DGKB: variants seen among roughly 807,000 people sequenced by gnomAD.
DGKB encodes the protein 90 kDa diacylglycerol kinase.
Under a neutral mutation model 114.3 loss-of-function variants are expected in DGKB, and 67 were observed. That is an observed-to-expected ratio of 0.59 (90% CI 0.48 to 0.72). The LOEUF (loss-of-function observed/expected upper bound fraction) is 0.72, where lower values mean the gene tolerates loss of function less well. DGKB is among the 30% of genes least tolerant of loss of function. The pLI is 0.00. For synonymous variants in DGKB, 398 were observed against 323.1 expected (o/e 1.23, Z -2.49); for missense variants, 907 against 975.2 (o/e 0.93, Z 0.93).
chr7:14,846,758 A>G (rs1848674073), intron 1 of DGKB, among the ~76,000 whole-genome samples: 1 of 152,200 alleles, frequency 6.6e-6, no homozygotes, highest in African/African-American at 2.4e-5. Context: ...AGCAGGAAAT[A>G]ACTACGTTGG....
At chr7:14,280,956 C>A (rs996281785) in intron 23 of DGKB, among the ~76,000 whole-genome samples, 1 of 151,098 alleles carries the variant, frequency 6.6e-6, no homozygotes, top group Non-Finnish European at 1.5e-5. Flanking sequence ...CATCAACTAA[C>A]GAGCAAAATC....
chr7:14,927,569 C>T (rs1157413987), intron 1 of DGKB, among the ~76,000 whole-genome samples: 1 of 151,798 alleles, frequency 6.6e-6, no homozygotes, highest in Admixed American at 6.6e-5. Flanking sequence ...CAGTATTAAA[C>T]ACAGAAGTCA....
intron 2 of DGKB, among the ~76,000 whole-genome samples, chr7:14,768,190 T>C (rs1836758921): frequency 6.6e-6 from 1 of 151,988 alleles, no homozygotes; most frequent in Non-Finnish European, 1.5e-5. Context: ...CTCAGGAATG[T>C]GTCATATTTA....
chr7:14,713,967 A>C (rs76231540), intron 6 of DGKB, among the ~76,000 whole-genome samples: 3,501 of 151,898 alleles, frequency 0.023, 60 homozygotes, highest in Non-Finnish European at 0.033. Flanking sequence ...CAATATCTTA[A>C]ATAGTTGATG....
chr7:14,799,925 C>CT (rs531530188), intron 2 of DGKB, among the ~76,000 whole-genome samples: 2,201 of 146,658 alleles, frequency 0.015, 44 homozygotes, highest in African/African-American at 0.048. Context: ...CTTTTCTTTT[C>CT]TTTTTTTTTT....
At chr7:14,251,063 T>C (rs963474878) in intron 23 of DGKB, among the ~76,000 whole-genome samples, 3 of 152,194 alleles carry the variant, frequency 2.0e-5, no homozygotes, top group African/African-American at 7.2e-5. Context: ...TATAGCTGGA[T>C]ACTGTATTTT....
At chr7:14,338,784 C>A in intron 22 of DGKB, 74 bp from the exon 23 acceptor site, 1 of 1,021,968 alleles carries the variant, frequency 9.8e-7, no homozygotes, top group South Asian at 2.7e-5. Flanking sequence ...TTTTCATTTC[C>A]TCATCTTTTA....
intron 1 of DGKB, among the ~76,000 whole-genome samples, chr7:14,864,101 CAA>C (rs34612317): frequency 0.17 from 16,072 of 96,354 alleles, 1,570 homozygotes; most frequent in East Asian, 0.38. Flanking sequence ...AACTCTGTTT[CAA>C]AAAAAAAAAA....
At chr7:14,561,685 C>T (rs538039803) in intron 20 of DGKB, among the ~76,000 whole-genome samples, 10 of 152,184 alleles carry the variant, frequency 6.6e-5, no homozygotes, top group African/African-American at 2.4e-4. Context: ...TTGCCCCTGC[C>T]CTAGAGATCT....
At chr7:14,315,521 CA>C (rs1806304069) in intron 23 of DGKB, among the ~76,000 whole-genome samples, 1 of 151,508 alleles carries the variant, frequency 6.6e-6, no homozygotes, top group South Asian at 2.1e-4. Context: ...CAACAAAGAT[CA>C]AAAGACACAA....
intron 14 of DGKB, among the ~76,000 whole-genome samples, chr7:14,628,411 C>T (rs1244433490): frequency 1.3e-5 from 2 of 151,770 alleles, no homozygotes; most frequent in African/African-American, 4.8e-5. Flanking sequence ...TATTTTTACA[C>T]TCAGATTTCT....
chr7:14,630,829 A>G (rs1809539243), intron 13 of DGKB, among the ~76,000 whole-genome samples: 1 of 151,974 alleles, frequency 6.6e-6, no homozygotes, highest in South Asian at 2.1e-4. Context: ...GGTTAAATAC[A>G]TTGACATTAG....
intron 5 of DGKB, among the ~76,000 whole-genome samples, chr7:14,720,207 A>C (rs1213947502): frequency 6.6e-6 from 1 of 152,128 alleles, no homozygotes; most frequent in African/African-American, 2.4e-5. Flanking sequence ...AATTTTTCTC[A>C]AACACCATCT....
chr7:14,966,569 G>A lies in DGKB; in HGVS notation c.-188+8127C>T, dbSNP rs141405678. 4.6e-3 allele frequency among the ~76,000 whole-genome samples: 696 copies of A among 152,126 alleles called. 5 individuals are homozygous for A. The highest frequency in any genetic ancestry group is 0.016 in the African/African-American group (674 of 41,496). On this transcript the variant is annotated intron_variant, in intron 1 of 4. Coordinates refer to the DGKB transcript ENST00000437998. ...TCCTCCCATTTTAGCGTCCTAACGT[G>A]CTGAGATTACAGGCTTGAGCCACCA...
intron 1 of DGKB, among the ~76,000 whole-genome samples, chr7:14,853,193 A>C (rs1849637289): frequency 6.6e-6 from 1 of 152,192 alleles, no homozygotes; most frequent in Non-Finnish European, 1.5e-5. Context: ...GTCTGCACTG[A>C]GAAACAAATA....
In DGKB at chr7:14,941,348, G is replaced by A. The variant is rs73058980; in HGVS notation, c.-188+33348C>T. On this transcript the variant is annotated intron_variant, in intron 1 of 4. Coordinates refer to the DGKB transcript ENST00000437998. ...TTATCCACAGAAGTATTTGATATGT[G>A]ATTTTTGGATAGAACTGTATCATTT... Among the ~76,000 whole-genome samples the A allele has an allele frequency of 7.4e-3, 1,125 of 152,154 alleles. 6 individuals are homozygous for A. Among genetic ancestry groups the A allele is most frequent in the Non-Finnish European group, 0.013 (900 of 67,956 alleles).
intron 23 of DGKB, among the ~76,000 whole-genome samples, chr7:14,313,110 G>C (rs910809408): frequency 1.3e-5 from 2 of 152,132 alleles, no homozygotes; most frequent in African/African-American, 4.8e-5. Flanking sequence ...TAACCTTTAA[G>C]AAACTACTAC....
intron 23 of DGKB, among the ~76,000 whole-genome samples, chr7:14,316,095 G>C (rs1806445477): frequency 6.6e-6 from 1 of 150,496 alleles, no homozygotes; most frequent in African/African-American, 2.4e-5. Flanking sequence ...CGAGAACAAA[G>C]ACACAACATA....
chr7:14,150,677 G>A (rs1782057103), intron 25 of DGKB, among the ~76,000 whole-genome samples: 1 of 152,014 alleles, frequency 6.6e-6, no homozygotes, highest in Admixed American at 6.6e-5. Context: ...ATGAACTAGG[G>A]AATTGATAGT....
Sources: allele counts gnomAD v4.1 joint callset (sites outside exome capture counted in the v4.1 genomes callset), GRCh38; gene constraint gnomAD v4.1.1; transcripts MANE v1.5; gene names NCBI Gene and HGNC (gene_info 2026-07-23, HGNC 2026-07-21).